The following SMC1B variants were observed in gnomAD, a reference collection of about 807,000 sequenced individuals.
SMC1B encodes the protein structural maintenance of chromosomes protein 1B.
In SMC1B, 60 loss-of-function variants were observed where a neutral mutation model predicts 157.9. The ratio of observed to expected loss-of-function variants is 0.38; its 90% confidence interval spans 0.31 to 0.47. SMC1B has a LOEUF of 0.47. Ranked by LOEUF, SMC1B falls within the 20% of genes least tolerant of loss-of-function variation. SMC1B has a pLI of 0.99. For missense variants in SMC1B, 1,165 were observed against 1,426.2 expected, an observed-to-expected ratio of 0.82 and a Z score of 2.95; for synonymous variants, 445 against 483.0, an observed-to-expected ratio of 0.92 and a Z score of 1.03.
chr22:45,346,393 T>C (rs1323734823), intron 23 of SMC1B, among the ~76,000 whole-genome samples: 1 of 152,162 alleles, frequency 6.6e-6, no homozygotes, highest in Non-Finnish European at 1.5e-5. Context: ...ATGGACTCAA[T>C]AGAGATGAGT....
At position 45,402,575 on chromosome 22, in the gene SMC1B, T is replaced by C; in HGVS notation, c.616-4A>G. ...GGAGACTCTGGTAACGTTCTGCCTA[T>C]AAAAGAGTATAATTCAACAGCAGTT... On this transcript the variant is annotated splice_polypyrimidine_tract_variant and splice_region_variant and intron_variant, in intron 4 of 24. Coordinates refer to ENST00000357450, the MANE Select transcript of SMC1B (RefSeq NM_148674.5). 1.2e-6 allele frequency: 2 copies of C among 1,601,126 alleles called. No homozygotes were observed. The highest frequency in any genetic ancestry group is 2.2e-5 in the East Asian group (1 of 44,756).
At chr22:45,356,731 T>C (rs1037797324) in intron 19 of SMC1B, among the ~76,000 whole-genome samples, 4 of 147,840 alleles carry the variant, frequency 2.7e-5, no homozygotes, top group Admixed American at 6.7e-5. Flanking sequence ...TCTTTTCTTT[T>C]TTTTTTTTTT....
intron 19 of SMC1B, among the ~76,000 whole-genome samples, chr22:45,355,590 A>C (rs2086661709): frequency 6.6e-6 from 1 of 152,126 alleles, no homozygotes. Context: ...AGTAGCTGGG[A>C]TTTAAACCAG....
chr22:45,392,464 AT>A (rs993206377), intron 9 of SMC1B, among the ~76,000 whole-genome samples: 262 of 131,878 alleles, frequency 2.0e-3, no homozygotes, highest in African/African-American at 7.5e-3. Context: ...CATCAGGTCG[AT>A]TTTTTTTTTA....
chr22:45,354,366 G>A (rs1470251927), intron 20 of SMC1B, among the ~76,000 whole-genome samples: 3 of 151,246 alleles, frequency 2.0e-5, no homozygotes, highest in African/African-American at 7.3e-5. Context: ...GATAGGGTAT[G>A]TATGTATGTA....
intron 12 of SMC1B, among the ~76,000 whole-genome samples, chr22:45,379,723 C>CTTTTTTTTTTTTTTTTT (rs136583): frequency 2.5e-4 from 23 of 91,482 alleles, no homozygotes; most frequent in South Asian, 4.2e-4. Flanking sequence ...TTTCTTTTTA[C>CTTTTTTTTTTTTTTTTT]TTTTTTTTTT....
chr22:45,363,712 T>A (rs9614463), intron 15 of SMC1B, among the ~76,000 whole-genome samples: 131,180 of 151,966 alleles, frequency 0.86, 56,702 homozygotes, highest in African/African-American at 0.89. Flanking sequence ...AATTCTTTTT[T>A]AAAAAAGAAA....
intron 12 of SMC1B, among the ~76,000 whole-genome samples, chr22:45,380,800 C>G (rs373094158): frequency 6.6e-6 from 1 of 152,036 alleles, no homozygotes; most frequent in African/African-American, 2.4e-5. Context: ...GTGGTACACC[C>G]CTGTAGTCCC....
intron 17 of SMC1B, 126 bp from the exon 18 acceptor site, chr22:45,360,084 T>C: frequency 2.9e-6 from 2 of 678,078 alleles, no homozygotes; most frequent in East Asian, 5.5e-5. Context: ...CTGTAAGTTC[T>C]AGAATCCTCT....
At chr22:45,347,140 C>G (rs2086560299) in intron 23 of SMC1B, among the ~76,000 whole-genome samples, 1 of 152,152 alleles carries the variant, frequency 6.6e-6, no homozygotes, top group African/African-American at 2.4e-5. Flanking sequence ...CCATGGAGTC[C>G]AGTCATTTGA....
intron 17 of SMC1B, 122 bp from the exon 18 acceptor site, chr22:45,360,080 G>T: frequency 1.4e-6 from 1 of 705,000 alleles, no homozygotes; most frequent in Non-Finnish European, 2.3e-6. Flanking sequence ...AGTGCTGTAA[G>T]TTCTAGAATC....
At chr22:45,349,068 G>A (rs1164398654) in intron 23 of SMC1B, among the ~76,000 whole-genome samples, 3 of 145,864 alleles carry the variant, frequency 2.1e-5, no homozygotes, top group East Asian at 4.0e-4. Flanking sequence ...AGGCTGGAGT[G>A]CAGTGGCACA....
intron 10 of SMC1B, among the ~76,000 whole-genome samples, chr22:45,388,937 A>C (rs950934257): frequency 2.1e-5 from 3 of 143,438 alleles, no homozygotes; most frequent in African/African-American, 8.0e-5. Flanking sequence ...CAGTGAACCA[A>C]GATCGTGCCA....
chr22:45,375,973 A>G (rs1346400019), intron 12 of SMC1B, among the ~76,000 whole-genome samples: 1 of 152,220 alleles, frequency 6.6e-6, no homozygotes, highest in Non-Finnish European at 1.5e-5. Context: ...TATGTTACAT[A>G]GAACTGAGCT....
Position 45,402,369 on chromosome 22 carries a change from A to G in SMC1B, c.818T>C (p.Leu273Pro), listed in dbSNP as rs1602094974. Residue 273 changes from leucine to proline, a missense_variant, in exon 5 of 25, where the codon CTA becomes CCA. Physicochemically the swap from Leu to Pro is moderately conservative, Grantham distance 98. Transcript: ENST00000357450. ...VKARKKEHGMLTRQLQQTEKE... is the reference protein window; with the variant it reads ...VKARKKEHGMPTRQLQQTEKE... ...TTCTGTTTGTTGTAGTTGTCTAGTT[A>G]GCATTCCATGTTCCTTTTTCCTGGC... 1 of 1,613,422 alleles carries G rather than the reference A, an allele frequency of 6.2e-7. No individual in the cohort carries two copies. The highest frequency in any genetic ancestry group is 1.1e-5 in the South Asian group (1 of 90,920).
chr22:45,399,034 C>A, intron 6 of SMC1B, 61 bp downstream of exon 6: 1 of 1,511,992 alleles, frequency 6.6e-7, no homozygotes, highest in Non-Finnish European at 8.9e-7. Flanking sequence ...AAATTTTTTT[C>A]TAATTCAAAG....
chr22:45,389,960 A>G (rs8138001), intron 9 of SMC1B, 63 bp from the exon 10 acceptor site: 528,385 of 1,353,332 alleles, frequency 0.39, 113,151 homozygotes, highest in African/African-American at 0.84. Flanking sequence ...ATAATTCATT[A>G]TTTTCTAATG....
intron 2 of SMC1B, 62 bp from the exon 3 acceptor site, chr22:45,406,927 A>G (rs2087268728): frequency 8.6e-7 from 1 of 1,159,732 alleles, no homozygotes; most frequent in Non-Finnish European, 1.2e-6. Flanking sequence ...CTCAAAATCC[A>G]CCGAAAGTTT....
intron 18 of SMC1B, among the ~76,000 whole-genome samples, 156 bp from the exon 19 acceptor site, chr22:45,358,951 T>C (rs2086695424): frequency 6.6e-6 from 1 of 152,102 alleles, no homozygotes; most frequent in African/African-American, 2.4e-5. Context: ...GTTTGAAAGA[T>C]TTCGAGAATT....
Sources: gnomAD v4.1 joint callset for allele counts (sites outside exome capture counted in the v4.1 genomes callset) on GRCh38, gnomAD v4.1.1 for gene constraint, MANE v1.5 for transcripts, NCBI Gene and HGNC (gene_info 2026-07-23, HGNC 2026-07-21) for gene names.